ADAMTSL1: variants seen among roughly 807,000 people sequenced by gnomAD.
The protein encoded by ADAMTSL1 is ADAMTS-like protein 1.
ADAMTSL1 carries 126 observed loss-of-function variants against 201.8 expected under a neutral mutation model. The ratio of observed to expected loss-of-function variants is 0.62; its 90% CI spans 0.54 to 0.72. The LOEUF (loss-of-function observed/expected upper bound fraction) is 0.72, where lower values mean the gene tolerates loss of function less well. Among genes scored for constraint, ADAMTSL1 ranks in the 30% least tolerant of loss-of-function variants. The pLI is 0.00. For synonymous variants in ADAMTSL1, 1,121 were observed against 903.4 expected (o/e 1.24, Z -4.32); for missense variants, 2,679 against 2,277.8 (o/e 1.18, Z -3.59).
At chr9:17,976,278 G>A (rs1818443932) in intron 1 of ADAMTSL1, among the ~76,000 whole-genome samples, 1 of 151,846 alleles carries the variant, frequency 6.6e-6, no homozygotes, top group Non-Finnish European at 1.5e-5. Context: ...GTGAGATTTT[G>A]ATAGAGATTG....
intron 20 of ADAMTSL1, among the ~76,000 whole-genome samples, chr9:18,802,763 T>G (rs1226195308): frequency 2.0e-5 from 3 of 152,216 alleles, no homozygotes; most frequent in African/African-American, 7.2e-5. Context: ...GCATTTATGT[T>G]TACTATTGAA....
At chr9:17,915,168 A>G (rs995220539) in intron 1 of ADAMTSL1, among the ~76,000 whole-genome samples, 2 of 152,138 alleles carry the variant, frequency 1.3e-5, no homozygotes, top group Non-Finnish European at 2.9e-5. Context: ...ACCCTTTGCA[A>G]TGTCTTCCTC....
chr9:17,986,468 A>G (rs1420373931), intron 1 of ADAMTSL1, among the ~76,000 whole-genome samples: 1 of 152,070 alleles, frequency 6.6e-6, no homozygotes, highest in Non-Finnish European at 1.5e-5. Flanking sequence ...AGAAAACTCA[A>G]TGTGAACAAT....
intron 14 of ADAMTSL1, among the ~76,000 whole-genome samples, chr9:18,716,494 C>T (rs1485414643): frequency 1.3e-5 from 2 of 151,916 alleles, no homozygotes; most frequent in Admixed American, 6.6e-5. Flanking sequence ...AAAATGCTCA[C>T]CATCACTGGC....
At chr9:18,563,023 C>T (rs998840253) in intron 3 of ADAMTSL1, among the ~76,000 whole-genome samples, 7 of 152,184 alleles carry the variant, frequency 4.6e-5, no homozygotes, top group Admixed American at 2.0e-4. Flanking sequence ...TCTGTCAATA[C>T]ATCAAACTCA....
chr9:18,025,866 T>A (rs1338794798), intron 1 of ADAMTSL1, among the ~76,000 whole-genome samples: 1 of 152,164 alleles, frequency 6.6e-6, no homozygotes, highest in Admixed American at 6.6e-5. Flanking sequence ...TTAACAATAT[T>A]GATTCTTTCA....
intron 3 of ADAMTSL1, among the ~76,000 whole-genome samples, chr9:18,558,837 T>C (rs1456188726): frequency 6.6e-6 from 1 of 152,198 alleles, no homozygotes; most frequent in Non-Finnish European, 1.5e-5. Context: ...TCATATCATT[T>C]GCCCACTTTT....
At position 18,722,291 on chromosome 9, in the gene ADAMTSL1, T is replaced by C. The variant is rs963743492; in HGVS notation, c.2006+626T>C. On this transcript the variant is annotated intron_variant, in intron 15 of 28. Coordinates refer to ENST00000380548, the MANE Select transcript of ADAMTSL1 (RefSeq NM_001040272.6). ...TCAGTCCCTACAATTTTATGGTGTCTTGAGAAACTTGCCTTCTAGATACTT... is the reference window on the plus strand; with the variant it reads ...TCAGTCCCTACAATTTTATGGTGTCCTGAGAAACTTGCCTTCTAGATACTT... 4.6e-5 allele frequency among the ~76,000 whole-genome samples: 7 copies of C among 152,178 alleles called. No homozygotes were observed. In the South Asian group the frequency reaches 6.2e-4, roughly 14 times the overall value.
chr9:17,939,753 C>G (rs973921057), intron 1 of ADAMTSL1, among the ~76,000 whole-genome samples: 2 of 152,122 alleles, frequency 1.3e-5, no homozygotes, highest in African/African-American at 4.8e-5. Flanking sequence ...GGGATAAAAT[C>G]ATGAATCATA....
chr9:18,125,960 G>A (rs1297779064), intron 1 of ADAMTSL1, among the ~76,000 whole-genome samples: 2 of 152,118 alleles, frequency 1.3e-5, no homozygotes, highest in African/African-American at 4.8e-5. Context: ...ATTGTGACCT[G>A]GGACAAACTA....
In ADAMTSL1 at chr9:18,307,542, A is replaced by G. The variant is rs538485076; in HGVS notation, c.207+143561A>G. On this transcript the variant is annotated intron_variant, in intron 2 of 29. Transcript: ENST00000680146. The stretch of plus-strand genomic sequence containing the variant: ...AAACCAAAAAAAAGCAGGGGTTGCA[A>G]TCCTATTCTCTCATAAAACAGACTT... 1.3e-4 allele frequency among the ~76,000 whole-genome samples: 20 copies of G among 152,284 alleles called. 2 individuals are homozygous for G. The South Asian group carries it at 4.2e-3, about 32-fold the overall frequency.
At chr9:18,162,903 T>C (rs201254875) in intron 1 of ADAMTSL1, among the ~76,000 whole-genome samples, 4 of 151,984 alleles carry the variant, frequency 2.6e-5, no homozygotes, top group African/African-American at 9.7e-5. Context: ...ATAATGGCTG[T>C]TATTTACTGA....
chr9:18,826,583 C>T (rs1316414146), intron 22 of ADAMTSL1, 120 bp downstream of exon 22: 2 of 1,192,456 alleles, frequency 1.7e-6, no homozygotes, highest in Non-Finnish European at 2.3e-6. Context: ...ATTGATATCC[C>T]TTCACTTCTT....
At chr9:18,739,898 T>G (rs1314340273) in intron 15 of ADAMTSL1, among the ~76,000 whole-genome samples, 1 of 108,570 alleles carries the variant, frequency 9.2e-6, no homozygotes, top group Admixed American at 9.8e-5. Context: ...ATGTCTACTA[T>G]CTGTGTGTGT....
At chr9:18,122,956 C>T (rs1825567551) in intron 1 of ADAMTSL1, among the ~76,000 whole-genome samples, 2 of 152,026 alleles carry the variant, frequency 1.3e-5, no homozygotes, top group African/African-American at 4.8e-5. Flanking sequence ...CCAGGCTGGT[C>T]TTAAACTCCT....
At chr9:17,941,666 G>T (rs1475249076) in intron 1 of ADAMTSL1, among the ~76,000 whole-genome samples, 1 of 152,086 alleles carries the variant, frequency 6.6e-6, no homozygotes, top group Admixed American at 6.6e-5. Context: ...TTAATAACCA[G>T]TGTAGTCATA....
rs145485403 is a variant in ADAMTSL1, at chr9:18,105,151, G to A, written c.88-58711G>A. On this transcript the variant is annotated intron_variant, in intron 1 of 29. Transcript: ENST00000680146. ...GATGTGTAAATTCGTACAGGACACC[G>A]TCTCCGCTCTTGGTTGTCTCACCTG... Among the ~76,000 whole-genome samples the A allele has an allele frequency of 5.1e-3, 775 of 152,234 alleles. 7 individuals carry two copies. The highest frequency in any genetic ancestry group is 0.018 in the African/African-American group (736 of 41,542).
intron 20 of ADAMTSL1, among the ~76,000 whole-genome samples, chr9:18,810,146 A>G (rs1281504264): frequency 6.6e-6 from 1 of 152,216 alleles, no homozygotes; most frequent in African/African-American, 2.4e-5. Context: ...TTGTGGCCAT[A>G]CATTTACTAT....
chr9:18,348,460 A>G (rs1490482062), intron 2 of ADAMTSL1, among the ~76,000 whole-genome samples: 2 of 152,246 alleles, frequency 1.3e-5, no homozygotes, highest in Non-Finnish European at 2.9e-5. Context: ...AGTGTCATCT[A>G]TAAAATGGGA....
Sources: gnomAD v4.1 joint callset for allele counts (sites outside exome capture counted in the v4.1 genomes callset) on GRCh38, gnomAD v4.1.1 for gene constraint, MANE v1.5 for transcripts, NCBI Gene and HGNC (gene_info 2026-07-23, HGNC 2026-07-21) for gene names.